Variants in BCAS3 observed in about 807,000 individuals in gnomAD.
BCAS3 encodes the protein BCAS4/BCAS3 fusion.
A neutral mutation model predicts 116.1 loss-of-function variants in BCAS3; 53 were observed. The ratio of observed to expected loss-of-function variants is 0.46; its 90% confidence interval spans 0.37 to 0.57. BCAS3 has a LOEUF of 0.57. Among genes scored for constraint, BCAS3 ranks in the 20% least tolerant of loss-of-function variants. The pLI is 0.00. For missense variants in BCAS3, 917 were observed against 1,165.4 expected, an observed-to-expected ratio of 0.79 and a Z score of 3.10; for synonymous variants, 391 against 408.2, an observed-to-expected ratio of 0.96 and a Z score of 0.51.
chr17:61,242,839 T>G (rs2047631086), intron 22 of BCAS3, among the ~76,000 whole-genome samples: 1 of 83,150 alleles, frequency 1.2e-5, no homozygotes, highest in African/African-American at 3.3e-5. Context: ...CCAAATGGAA[T>G]TCTTTAAAAA....
chr17:60,834,193 TC>T (rs1330220261), intron 7 of BCAS3, among the ~76,000 whole-genome samples: 4 of 152,082 alleles, frequency 2.6e-5, no homozygotes, highest in African/African-American at 9.6e-5. Context: ...TTGTTGTACT[TC>T]AATAATATGT....
At chr17:60,825,206 C>T (rs1013149401) in intron 7 of BCAS3, among the ~76,000 whole-genome samples, 1 of 151,416 alleles carries the variant, frequency 6.6e-6, no homozygotes, top group South Asian at 2.1e-4. Flanking sequence ...CACTTATGTG[C>T]ACCTTGCTTG....
intron 21 of BCAS3, among the ~76,000 whole-genome samples, chr17:61,080,603 A>G (rs1328551164): frequency 1.3e-5 from 2 of 152,070 alleles, no homozygotes; most frequent in African/African-American, 4.8e-5. Context: ...TACAAAAAAT[A>G]CAAAAAATTA....
intron 22 of BCAS3, among the ~76,000 whole-genome samples, chr17:61,317,236 C>T (rs1352977986): frequency 1.3e-5 from 2 of 152,218 alleles, no homozygotes; most frequent in Non-Finnish European, 1.5e-5. Flanking sequence ...CGTCTTCTTG[C>T]TGTCCTCACT....
chr17:60,872,559 A>C (rs925750834), intron 8 of BCAS3, among the ~76,000 whole-genome samples: 14 of 150,034 alleles, frequency 9.3e-5, no homozygotes, highest in South Asian at 2.1e-4. Flanking sequence ...ATATACACAC[A>C]CCCCCATATA....
intron 12 of BCAS3, among the ~76,000 whole-genome samples, chr17:60,921,114 A>G (rs975946272): frequency 1.3e-5 from 2 of 152,174 alleles, no homozygotes; most frequent in African/African-American, 4.8e-5. Context: ...AGACATGTAT[A>G]TTAATCACCA....
At chr17:61,299,104 T>C (rs1221213500) in intron 22 of BCAS3, among the ~76,000 whole-genome samples, 1 of 151,478 alleles carries the variant, frequency 6.6e-6, no homozygotes, top group Non-Finnish European at 1.5e-5. Flanking sequence ...ATTACAGGCA[T>C]GAGCCACCGT....
chr17:60,678,243 G>A (rs1424499249), intron 1 of BCAS3, among the ~76,000 whole-genome samples: 1 of 152,164 alleles, frequency 6.6e-6, no homozygotes, highest in South Asian at 2.1e-4. Context: ...GAGAATGAGA[G>A]GGCTGAGGGG....
intron 14 of BCAS3, among the ~76,000 whole-genome samples, chr17:60,987,449 A>T (rs983096410): frequency 1.8e-4 from 27 of 152,004 alleles, no homozygotes; most frequent in African/African-American, 6.0e-4. Context: ...CATTTTAACA[A>T]TATTGATTCT....
intron 5 of BCAS3, among the ~76,000 whole-genome samples, chr17:60,710,496 A>T (rs1247704768): frequency 6.6e-6 from 1 of 150,858 alleles, no homozygotes; most frequent in South Asian, 2.1e-4. Context: ...CAGTGGCGCA[A>T]TCTCGGCTCA....
rs2056411274 is a variant in BCAS3, at chr17:61,332,953, G to T, written c.2426-35374G>T. On this transcript the variant is annotated intron_variant, in intron 22 of 23. Coordinates refer to ENST00000407086, the MANE Select transcript of BCAS3 (RefSeq NM_017679.5). This position sits in a 1 kb window ranked among gnomAD's most constrained non-coding sequence, Gnocchi z 5.4. ...AAAAAGGAGGCAGCTAAGGCTCAGA[G>T]AAGTCATATTACAAGTCTAGGGCAG... Among the ~76,000 whole-genome samples, 2 of 152,230 alleles carry T rather than the reference G, an allele frequency of 1.3e-5. No individual in the cohort carries two copies. Among genetic ancestry groups the T allele is most frequent in the South Asian group, 4.1e-4 (2 of 4,836 alleles).
At chr17:61,272,018 C>CA (rs540765411) in intron 22 of BCAS3, among the ~76,000 whole-genome samples, 4 of 150,108 alleles carry the variant, frequency 2.7e-5, no homozygotes, top group African/African-American at 1.0e-4. Flanking sequence ...TTCTGTTGCC[C>CA]AGGCTGGTCT....
chr17:61,096,583 G>A (rs1373645533), intron 22 of BCAS3, among the ~76,000 whole-genome samples: 2 of 152,082 alleles, frequency 1.3e-5, no homozygotes, highest in African/African-American at 4.8e-5. Flanking sequence ...CTTGTTTCCA[G>A]CAACTTTTCC....
Position 60,964,649 on chromosome 17 carries a change from A to G in BCAS3, c.1221+17297A>G, listed in dbSNP as rs2061567813. 1.3e-5 allele frequency among the ~76,000 whole-genome samples: 2 copies of G among 152,184 alleles called. No homozygotes were observed. Among genetic ancestry groups the G allele is most frequent in the Non-Finnish European group, 1.5e-5 (1 of 68,022 alleles). ...CTTTAAATGTTTGGTAGAATTCAGC[A>G]GTGAAGTTGTGAAGTCCTGGGATTT... On this transcript the variant is annotated intron_variant, in intron 14 of 23. Coordinates refer to ENST00000407086, the MANE Select transcript of BCAS3 (RefSeq NM_017679.5). This position sits in a 1 kb window ranked among gnomAD's most constrained non-coding sequence, Gnocchi z 4.6.
At chr17:61,330,950 G>A (rs958206357) in intron 22 of BCAS3, among the ~76,000 whole-genome samples, 5 of 152,240 alleles carry the variant, frequency 3.3e-5, no homozygotes, top group African/African-American at 9.6e-5. Context: ...TAGGTCAGGT[G>A]AAACCACCTC....
intron 4 of BCAS3, among the ~76,000 whole-genome samples, chr17:60,693,210 G>A (rs964986650): frequency 9.2e-5 from 14 of 151,886 alleles, no homozygotes; most frequent in African/African-American, 3.4e-4. Context: ...ACACTACACT[G>A]AGAAAGGTAT....
intron 13 of BCAS3, among the ~76,000 whole-genome samples, chr17:60,945,002 A>C (rs1012700231): frequency 2.6e-5 from 4 of 152,166 alleles, no homozygotes; most frequent in African/African-American, 9.7e-5. Flanking sequence ...CATGTAGGTC[A>C]GAAGGGAAGA....
intron 4 of BCAS3, among the ~76,000 whole-genome samples, chr17:60,701,103 G>T (rs752446346): frequency 1.3e-5 from 2 of 151,968 alleles, no homozygotes; most frequent in Non-Finnish European, 2.9e-5. Flanking sequence ...AATTAGCCAG[G>T]CGTGGTGACG....
chr17:60,737,016 C>T (rs1406819350), intron 5 of BCAS3, among the ~76,000 whole-genome samples: 2 of 151,790 alleles, frequency 1.3e-5, no homozygotes, highest in Admixed American at 6.6e-5. Context: ...CTTGTCTCAC[C>T]GCAACTGCTG....
Sources: allele counts gnomAD v4.1 joint callset (sites outside exome capture counted in the v4.1 genomes callset), GRCh38; gene constraint gnomAD v4.1.1; non-coding constraint Gnocchi (gnomAD v3.1); transcripts MANE v1.5; gene names NCBI Gene and HGNC (gene_info 2026-07-23, HGNC 2026-07-21).